The following F11 variants were observed in gnomAD, a reference collection of about 807,000 sequenced individuals.
F11 encodes the protein coagulation factor XI.
A neutral mutation model predicts 76.5 loss-of-function variants in F11; 78 were observed. The ratio of observed to expected loss-of-function variants is 1.02; its 90% CI spans 0.85 to 1.23. The LOEUF (loss-of-function observed/expected upper bound fraction) is 1.23. Ranked by LOEUF, F11 falls within the 50% of genes most tolerant of loss-of-function variation. The probability of loss-of-function intolerance (pLI) is 0.00; values close to 1 mark genes in which losing one functional copy is unlikely to be tolerated. For synonymous variants in F11, 278 were observed against 276.3 expected (o/e 1.01, Z -0.06); for missense variants, 742 against 771.4 (o/e 0.96, Z 0.45).
At chr4:186,266,629 G>A (rs1739517927) in intron 1 of F11, among the ~76,000 whole-genome samples, 2 of 152,166 alleles carry the variant, frequency 1.3e-5, no homozygotes. Context: ...GCTTACTGGA[G>A]ATAAATAGAT....
At position 186,271,658 on chromosome 4, in the gene F11, T is replaced by C. The variant is rs370826424; in HGVS notation, c.105T>C (p.Ile35=). The change falls in exon 3 of 15, where the codon ATT becomes ATC. Residue 35 remains isoleucine, a synonymous_variant. Coordinates refer to ENST00000403665, the MANE Select transcript of F11 (RefSeq NM_000128.4). The part of the protein sequence containing the change: ...LKDTCFEGGD[I]TTVFTPSAKY... ...ACACCTGCTTTGAAGGAGGGGACAT[T>C]ACTACGGTCTTCACACCAAGCGCCA... 107 of 1,614,068 alleles carry C rather than the reference T, an allele frequency of 6.6e-5. No homozygotes were observed. Among genetic ancestry groups the C allele is most frequent in the Non-Finnish European group, 9.0e-5 (106 of 1,180,034 alleles).
At chr4:186,274,340 T>G in intron 5 of F11, 65 bp downstream of exon 5, 1 of 1,605,288 alleles carries the variant, frequency 6.2e-7, no homozygotes, top group East Asian at 2.2e-5. Context: ...CTAAAAAGCT[T>G]TTGCCATCAA....
chr4:186,268,174 A>G (rs879418069), intron 2 of F11, among the ~76,000 whole-genome samples: 1 of 152,196 alleles, frequency 6.6e-6, no homozygotes, highest in Non-Finnish European at 1.5e-5. Context: ...ACATGTGCAG[A>G]GTTTTTTCTT....
chr4:186,278,935 A>G (rs944318094), intron 7 of F11, among the ~76,000 whole-genome samples: 49 of 152,302 alleles, frequency 3.2e-4, no homozygotes, highest in African/African-American at 1.2e-3. Flanking sequence ...TGTCACTTGT[A>G]ATTTTGTGCT....
At chr4:186,271,581 A>G in intron 2 of F11, 28 bp from the exon 3 acceptor site, 2 of 1,613,970 alleles carry the variant, frequency 1.2e-6, no homozygotes, top group South Asian at 2.2e-5. Flanking sequence ...AAAATCCAAC[A>G]TAACGCATGC....
At chr4:186,275,969 A>G in intron 6 of F11, 73 bp downstream of exon 6, 1 of 1,228,486 alleles carries the variant, frequency 8.1e-7, no homozygotes, top group Non-Finnish European at 1.2e-6. Flanking sequence ...CTCACTCAGG[A>G]TACCAGCTTA....
At chr4:186,281,453 C>T (rs781302344) in intron 10 of F11, among the ~76,000 whole-genome samples, 12 of 152,176 alleles carry the variant, frequency 7.9e-5, no homozygotes, top group Non-Finnish European at 1.6e-4. Flanking sequence ...TTAGATTACA[C>T]GAGACCTGTA....
At chr4:186,276,779 G>C (rs1041946805) in intron 7 of F11, among the ~76,000 whole-genome samples, 2 of 151,732 alleles carry the variant, frequency 1.3e-5, no homozygotes, top group African/African-American at 4.8e-5. Context: ...AGTAGAGATG[G>C]GGTTTCACCA....
In F11 at chr4:186,285,622, G is replaced by A. The variant is rs777525651; in HGVS notation, c.1305-16G>A. On this transcript the variant is annotated splice_polypyrimidine_tract_variant and intron_variant, in intron 11 of 14. Transcript: ENST00000403665. ...TAGTAAAGGAAATTTCTTTCCCTCT[G>A]TTGTTTGCTCCTTAGGGTAGAGTCA... is the stretch of plus-strand genomic sequence containing the variant. 8.7e-6 allele frequency: 14 copies of A among 1,613,344 alleles called. No individual in the cohort carries two copies. In the Admixed American group the frequency reaches 2.2e-4, roughly 25 times the overall value.
chr4:186,284,339 ATACTT>A, intron 11 of F11, 79 bp downstream of exon 11: 1 of 1,327,372 alleles, frequency 7.5e-7, no homozygotes. Flanking sequence ...TAGGAAATAA[ATACTT>A]TAACCAATTA....
At chr4:186,270,490 C>T (rs1315922751) in intron 2 of F11, among the ~76,000 whole-genome samples, 1 of 152,072 alleles carries the variant, frequency 6.6e-6, no homozygotes, top group Non-Finnish European at 1.5e-5. Flanking sequence ...TTGGTGTACC[C>T]ATCACCCAAG....
chr4:186,289,731 G>A (rs1032826165), downstream of F11, among the ~76,000 whole-genome samples: 8 of 149,686 alleles, frequency 5.3e-5, no homozygotes, highest in African/African-American at 1.7e-4. Context: ...TGCCCAAGCT[G>A]GAGTGCAGTG....
chr4:186,271,517 G>A (rs1012661230), intron 2 of F11, 92 bp from the exon 3 acceptor site: 5 of 1,380,816 alleles, frequency 3.6e-6, no homozygotes, highest in South Asian at 3.5e-5. Context: ...CTGGTAAGTA[G>A]AGCTACTTGC....
At chr4:186,268,703 T>A (rs1739691477) in intron 2 of F11, among the ~76,000 whole-genome samples, 1 of 152,124 alleles carries the variant, frequency 6.6e-6, no homozygotes. Context: ...TAGATTAAGA[T>A]GAATCAGAGA....
At chr4:186,283,467 A>G (rs1740942306) in intron 10 of F11, among the ~76,000 whole-genome samples, 1 of 152,150 alleles carries the variant, frequency 6.6e-6, no homozygotes, top group Non-Finnish European at 1.5e-5. Context: ...ACCCCAGAGA[A>G]TCCCAAACTG....
rs138870893 is a variant in F11 at position 186,284,143 on chromosome 4, G to T, written c.1187G>T (p.Arg396Leu). 6 of 1,614,054 alleles carry T rather than the reference G, an allele frequency of 3.7e-6. No homozygotes were observed. The African/African-American group carries it at 5.3e-5, about 14-fold the overall frequency. Residue 396 changes from arginine (R) to leucine (L), a missense_variant, in exon 11 of 15, where the codon CGT (arginine) becomes CTT (leucine). Arg to Leu is a moderately radical substitution (Grantham distance 102). Coordinates refer to ENST00000403665, the MANE Select transcript of F11 (RefSeq NM_000128.4). ...PRIVGGTASVRGEWPWQVTLH... is the reference protein window; with the variant it reads ...PRIVGGTASVLGEWPWQVTLH... ...ATCGTTGGAGGAACTGCGTCTGTTC[G>T]TGGTGAGTGGCCGTGGCAGGTGACC...
rs1391807281 is a variant in F11 at position 186,280,137 on chromosome 4, T to C, written c.865+16T>C. 1.9e-6 allele frequency: 3 copies of C among 1,614,020 alleles called. No individual in the cohort carries two copies. In the Admixed American group the frequency reaches 5.0e-5, roughly 27 times the overall value. On this transcript the variant is annotated intron_variant, in intron 8 of 14. Coordinates refer to ENST00000403665, the MANE Select transcript of F11 (RefSeq NM_000128.4). ...AGCATCCCAGGTAAACTGAGAGTTC[T>C]GCATTCTGGCTGAGAGTGACCAGCC...
chr4:186,285,628 T>A lies in F11; in HGVS notation c.1305-10T>A, dbSNP rs1233980263. 2 of 1,613,756 alleles carry A rather than the reference T, an allele frequency of 1.2e-6. No homozygotes were observed. Among genetic ancestry groups the A allele is most frequent in the Non-Finnish European group, 1.7e-6 (2 of 1,179,694 alleles). On this transcript the variant is annotated splice_polypyrimidine_tract_variant and intron_variant, in intron 11 of 14. Transcript: ENST00000403665. ...AGGAAATTTCTTTCCCTCTGTTGTT[T>A]GCTCCTTAGGGTAGAGTCACCTAAG... is the stretch of plus-strand genomic sequence containing the variant.
intron 4 of F11, among the ~76,000 whole-genome samples, chr4:186,273,716 G>C (rs1207245984): frequency 6.6e-6 from 1 of 152,188 alleles, no homozygotes; most frequent in East Asian, 1.9e-4. Flanking sequence ...GCCTTCCAGA[G>C]TGCCGGGATT....
Sources: allele counts gnomAD v4.1 joint callset (sites outside exome capture counted in the v4.1 genomes callset), GRCh38; gene constraint gnomAD v4.1.1; transcripts MANE v1.5; gene names NCBI Gene and HGNC (gene_info 2026-07-23, HGNC 2026-07-21).